The following DENND4A variants were observed in gnomAD, a reference collection of about 807,000 sequenced individuals.
DENND4A encodes the protein C-myc promoter-binding protein.
In DENND4A, 70 loss-of-function variants were observed where a neutral mutation model predicts 199.3. That is an observed-to-expected ratio of 0.35 (90% CI 0.29 to 0.43). The LOEUF (loss-of-function observed/expected upper bound fraction) is 0.43. DENND4A is among the 20% of genes least tolerant of loss of function. The probability of loss-of-function intolerance (pLI) is 1.00; values close to 1 mark genes in which losing one functional copy is unlikely to be tolerated. For missense variants in DENND4A, 1,723 were observed against 2,255.8 expected, an observed-to-expected ratio of 0.76 and a Z score of 4.78; for synonymous variants, 686 against 766.9, an observed-to-expected ratio of 0.89 and a Z score of 1.74.
chr15:65,763,068 T>C (rs901814311), intron 1 of DENND4A, among the ~76,000 whole-genome samples: 3 of 152,144 alleles, frequency 2.0e-5, no homozygotes, highest in Non-Finnish European at 4.4e-5. Context: ...GATGGAAAGA[T>C]GATGCCACCG....
chr15:65,741,735 T>G lies in DENND4A; in HGVS notation c.611A>C (p.Asn204Thr), dbSNP rs772558442. The change falls in exon 5 of 33, where the codon AAC becomes ACC. Residue 204 changes from asparagine (N) to threonine (T), a missense_variant. Asn to Thr is a moderately conservative substitution (Grantham distance 65). Coordinates refer to ENST00000443035, the MANE Select transcript of DENND4A (RefSeq NM_001320835.1). ...LCYKKSVAKT[N>T]TVSYKAGLIC... Reference sequence around the variant, plus strand: ...CTTACCAGCTTTGTAAGATACAGTGTTCGTCTTTGCCACCGATTTTTTATA... The same window carrying G: ...CTTACCAGCTTTGTAAGATACAGTGGTCGTCTTTGCCACCGATTTTTTATA... 1 of 1,613,016 alleles carries G rather than the reference T, an allele frequency of 6.2e-7. No homozygotes were observed. The highest frequency in any genetic ancestry group is 1.1e-5 in the South Asian group (1 of 91,054).
intron 14 of DENND4A, 56 bp from the exon 15 acceptor site, chr15:65,706,280 C>A: frequency 7.1e-7 from 1 of 1,401,660 alleles, no homozygotes; most frequent in South Asian, 1.7e-5. Context: ...GCCAAGTGTT[C>A]ATATAAAGGG....
At chr15:65,768,166 T>C (rs2077032925) in intron 1 of DENND4A, among the ~76,000 whole-genome samples, 1 of 152,102 alleles carries the variant, frequency 6.6e-6, no homozygotes, top group Non-Finnish European at 1.5e-5. Flanking sequence ...GGCTAATTTA[T>C]CTTTTTCTTT....
At chr15:65,760,833 G>C (rs1002656926) in intron 2 of DENND4A, among the ~76,000 whole-genome samples, 7 of 151,072 alleles carry the variant, frequency 4.6e-5, no homozygotes, top group South Asian at 2.1e-4. Flanking sequence ...AGGTTGCAAT[G>C]GGCCAAGATC....
chr15:65,752,722 G>T, intron 3 of DENND4A, 94 bp from the exon 4 acceptor site: 3 of 782,130 alleles, frequency 3.8e-6, no homozygotes, highest in African/African-American at 1.8e-5. Flanking sequence ...AAATGTAGTA[G>T]CATGGTAAAA....
chr15:65,743,439 C>T (rs909450870), intron 4 of DENND4A, among the ~76,000 whole-genome samples: 21 of 152,096 alleles, frequency 1.4e-4, no homozygotes, highest in African/African-American at 4.8e-4. Context: ...GATTAACTTC[C>T]TTACTGCCTT....
intron 14 of DENND4A, among the ~76,000 whole-genome samples, chr15:65,709,719 A>AAAAAATATATATATAT (rs1218030026): frequency 1.2e-3 from 63 of 51,422 alleles, no homozygotes; most frequent in Non-Finnish European, 1.4e-3. Context: ...AAAAAAAAAA[A>AAAAAATATATATATAT]ATATATATAT....
chr15:65,691,171 T>A lies in DENND4A; in HGVS notation c.3423A>T (p.Glu1141Asp). 6.2e-7 allele frequency: 1 copy of A among 1,613,512 alleles called. No homozygotes were observed. Among genetic ancestry groups the A allele is most frequent in the Non-Finnish European group, 8.5e-7 (1 of 1,179,716 alleles). The change falls in exon 23 of 33, where the codon GAA becomes GAT. Residue 1141 changes from glutamate to aspartate, a missense_variant. Transcript: ENST00000443035. ...LRSKRDSLEK[E>D]SSDDDTPFDG... ...CAAAAGGTGTATCATCATCACTAGA[T>A]TCCTTTTCTAGACTGTCTCTTTTTG...
intron 1 of DENND4A, among the ~76,000 whole-genome samples, chr15:65,780,253 C>A (rs996249158): frequency 6.6e-6 from 1 of 151,890 alleles, no homozygotes; most frequent in Non-Finnish European, 1.5e-5. Context: ...CATTTATGCC[C>A]GAATAAAAAA....
chr15:65,762,009 ATTG>A (rs771390798), intron 1 of DENND4A, among the ~76,000 whole-genome samples: 1 of 152,020 alleles, frequency 6.6e-6, no homozygotes, highest in African/African-American at 2.4e-5. Flanking sequence ...TGTTGTTGTT[ATTG>A]TTGTTGTTTT....
chr15:65,665,135 CA>C, intron 30 of DENND4A: 3 of 468,670 alleles, frequency 6.4e-6, no homozygotes, highest in Non-Finnish European at 1.1e-5. Flanking sequence ...AAACAAAAAA[CA>C]AAAAACAAAA....
intron 11 of DENND4A, among the ~76,000 whole-genome samples, chr15:65,727,212 G>T (rs1317583209): frequency 6.6e-6 from 1 of 151,974 alleles, no homozygotes; most frequent in East Asian, 1.9e-4. Flanking sequence ...CAGCACTTTG[G>T]GAGGCTGAGG....
chr15:65,668,333 C>T (rs949798651), intron 27 of DENND4A, among the ~76,000 whole-genome samples: 1 of 151,836 alleles, frequency 6.6e-6, no homozygotes, highest in Non-Finnish European at 1.5e-5. Flanking sequence ...CTCAGCCTCC[C>T]GAGTGGCTGG....
At chr15:65,739,032 T>C (rs954261737) in intron 5 of DENND4A, among the ~76,000 whole-genome samples, 157 bp from the exon 6 acceptor site, 1 of 152,208 alleles carries the variant, frequency 6.6e-6, no homozygotes, top group Non-Finnish European at 1.5e-5. Context: ...GTAGGATTCA[T>C]AGAGATTTTA....
chr15:65,737,447 T>G (rs1368667113), intron 7 of DENND4A, among the ~76,000 whole-genome samples: 1 of 152,176 alleles, frequency 6.6e-6, no homozygotes, highest in East Asian at 1.9e-4. Context: ...TTTCAGCATC[T>G]GTCCAGATTA....
intron 24 of DENND4A, among the ~76,000 whole-genome samples, chr15:65,675,408 A>G (rs558001201): frequency 7.9e-5 from 12 of 152,180 alleles, no homozygotes; most frequent in Non-Finnish European, 1.6e-4. Context: ...TCCAGAAGCA[A>G]TAAGGGGAAA....
At chr15:65,698,979 C>T (rs1303960318) in intron 20 of DENND4A, among the ~76,000 whole-genome samples, 1 of 152,054 alleles carries the variant, frequency 6.6e-6, no homozygotes, top group African/African-American at 2.4e-5. Context: ...CTCAAGTGAC[C>T]TGCCTGCCTT....
Position 65,761,457 on chromosome 15 carries a change from GAATTGGACTTA to G in DENND4A, c.-101-30_-101-20del, listed in dbSNP as rs2076846412. On this transcript the variant is annotated intron_variant, in intron 1 of 32. Coordinates refer to ENST00000443035, the MANE Select transcript of DENND4A (RefSeq NM_001320835.1). ...GAAATAACTGTATTGAAAACAGTAA[GAATTGGACTTA>G]AATTCATTCCAATCAAATATTTCCC... 6.6e-6 allele frequency: 1 copy of G among 152,174 alleles called. No individual in the cohort carries two copies. Among genetic ancestry groups the G allele is most frequent in the Non-Finnish European group, 1.5e-5 (1 of 68,020 alleles). 9.4% of individuals were successfully genotyped at this position (152,174 alleles called of 1,614,324 possible).
At chr15:65,734,132 C>T (rs1416876872) in intron 7 of DENND4A, among the ~76,000 whole-genome samples, 2 of 152,032 alleles carry the variant, frequency 1.3e-5, no homozygotes, top group Admixed American at 1.3e-4. Context: ...GCAGTTGAGA[C>T]AAGAGGAAGG....
Sources: gnomAD v4.1 joint callset for allele counts (sites outside exome capture counted in the v4.1 genomes callset) on GRCh38, gnomAD v4.1.1 for gene constraint, MANE v1.5 for transcripts, NCBI Gene and HGNC (gene_info 2026-07-23, HGNC 2026-07-21) for gene names.